HPS4: variants seen among roughly 807,000 people sequenced by gnomAD.
HPS4 encodes the protein HPS4 biogenesis of lysosomal organelles complex 3 subunit 2.
HPS4 carries 44 observed loss-of-function variants against 70.3 expected under a neutral mutation model. That is an observed-to-expected ratio of 0.63 (90% CI 0.49 to 0.80). The LOEUF is 0.80. HPS4 is among the 30% of genes least tolerant of loss of function. The probability of loss-of-function intolerance (pLI) is 0.00; values close to 1 mark genes in which losing one functional copy is unlikely to be tolerated. For missense variants in HPS4, 873 were observed against 884.4 expected (o/e 0.99, Z 0.16); for synonymous variants, 377 against 355.9 (o/e 1.06, Z -0.67).
At chr22:26,471,008 C>T in intron 6 of HPS4, 195 bp from the exon 7 acceptor site, 3 of 1,114,796 alleles carry the variant, frequency 2.7e-6, no homozygotes, top group Non-Finnish European at 3.9e-6. Context: ...CTGCTGACAC[C>T]ACTAAATGCC....
At chr22:26,457,143 G>A (rs1375822881) in intron 13 of HPS4, among the ~76,000 whole-genome samples, 2 of 151,212 alleles carry the variant, frequency 1.3e-5, no homozygotes, top group African/African-American at 4.9e-5. Flanking sequence ...ATGGAGATGA[G>A]AGAGGAAAAT....
chr22:26,476,855 A>C (rs2090615716), intron 4 of HPS4, 138 bp downstream of exon 4: 2 of 880,944 alleles, frequency 2.3e-6, no homozygotes, highest in Non-Finnish European at 1.8e-6. Context: ...TACCACAGGA[A>C]GCGAGGGTGA....
At chr22:26,473,988 C>A (rs1319239807) in intron 4 of HPS4, among the ~76,000 whole-genome samples, 3 of 152,244 alleles carry the variant, frequency 2.0e-5, no homozygotes, top group Admixed American at 2.0e-4. Context: ...TTACAACAGT[C>A]TGGCATGTAA....
At chr22:26,477,270 G>A in intron 3 of HPS4, 134 bp from the exon 4 acceptor site, 1 of 871,346 alleles carries the variant, frequency 1.1e-6, no homozygotes, top group East Asian at 2.5e-5. Flanking sequence ...AGCTAAGAAT[G>A]GTTCTTATAC....
chr22:26,472,725 A>G, intron 5 of HPS4, 107 bp downstream of exon 5: 2 of 907,418 alleles, frequency 2.2e-6, no homozygotes, highest in South Asian at 2.6e-5. Flanking sequence ...CCCAGACACA[A>G]TGTGTTTATA....
Position 26,464,422 on chromosome 22 carries a change from T to C in HPS4, c.1208A>G (p.Lys403Arg). Residue 403 changes from lysine (K) to arginine (R), a missense_variant, in exon 11 of 14, where the codon AAG (lysine) becomes AGG (arginine). Lys to Arg is a conservative substitution (Grantham distance 26). Coordinates refer to ENST00000398145, the MANE Select transcript of HPS4 (RefSeq NM_022081.6). The part of the protein sequence containing the change: ...PVPDGRAPYC[K>R]ASLSASSSLE... The stretch of plus-strand genomic sequence containing the variant: ...GCTGCTGGAGGCGCTGAGAGATGCC[T>C]TGCAGTAAGGAGCCCTGCCATCTGG... 6.2e-7 allele frequency: 1 copy of C among 1,614,066 alleles called. No homozygotes were observed. Among genetic ancestry groups the C allele is most frequent in the East Asian group, 2.2e-5 (1 of 44,888 alleles).
At chr22:26,461,320 T>C (rs2087222234) in intron 11 of HPS4, among the ~76,000 whole-genome samples, 1 of 152,214 alleles carries the variant, frequency 6.6e-6, no homozygotes, top group Non-Finnish European at 1.5e-5. Context: ...TGATAAATAA[T>C]TAATCTGATC....
At chr22:26,456,936 G>A (rs1014003456) in intron 13 of HPS4, among the ~76,000 whole-genome samples, 5 of 152,072 alleles carry the variant, frequency 3.3e-5, no homozygotes, top group Non-Finnish European at 5.9e-5. Context: ...TATTTCTTCT[G>A]GCATGGAGGT....
chr22:26,458,217 T>G (rs1195069474), intron 12 of HPS4, among the ~76,000 whole-genome samples: 2 of 152,178 alleles, frequency 1.3e-5, no homozygotes, highest in African/African-American at 4.8e-5. Flanking sequence ...CATGAACTTC[T>G]CTCAAAACAC....
chr22:26,463,790 G>T (rs140601397), intron 11 of HPS4, 127 bp downstream of exon 11: 78 of 1,002,138 alleles, frequency 7.8e-5, no homozygotes, highest in Non-Finnish European at 1.0e-4. Flanking sequence ...AGAACGTCTT[G>T]CCCAGGGTCA....
chr22:26,482,648 A>C (rs1189035911), intron 1 of HPS4: 1 of 152,218 alleles, frequency 6.6e-6, no homozygotes, highest in East Asian at 1.9e-4. Flanking sequence ...TCAAACTTCC[A>C]CAAGAGAAAG....
chr22:26,482,142 G>A lies in HPS4; in HGVS notation c.-380C>T, dbSNP rs2091343252. 1 of 269,856 alleles carries A rather than the reference G, an allele frequency of 3.7e-6. No homozygotes were observed. Among genetic ancestry groups the A allele is most frequent in the East Asian group, 9.7e-5 (1 of 10,330 alleles). 16.7% of individuals were successfully genotyped at this position (269,856 alleles called of 1,614,324 possible). A position where few individuals can be genotyped will look rare whatever the true frequency, so the allele number is the denominator to read the frequency against. Reference sequence around the variant, plus strand: ...AAGTGGGAGATGCATGCTAGAGCTGGTGTTCTAAAGAAATTTCTAGCTTGT... The same window carrying A: ...AAGTGGGAGATGCATGCTAGAGCTGATGTTCTAAAGAAATTTCTAGCTTGT... On this transcript the variant is annotated 5_prime_UTR_variant, in exon 2 of 14. Transcript: ENST00000398145.
chr22:26,475,838 T>G (rs533687921), intron 4 of HPS4: 1 of 151,962 alleles, frequency 6.6e-6, no homozygotes, highest in South Asian at 2.1e-4. Flanking sequence ...GCTGAGGAGT[T>G]CAAGACCAGC....
intron 2 of HPS4, among the ~76,000 whole-genome samples, chr22:26,480,895 AG>A (rs1309456814): frequency 6.6e-6 from 1 of 152,088 alleles, no homozygotes; most frequent in East Asian, 1.9e-4. Context: ...TCTGGCCTGG[AG>A]GATAGAGCAA....
chr22:26,478,697 T>A (rs1323776931), intron 3 of HPS4, among the ~76,000 whole-genome samples: 1 of 152,178 alleles, frequency 6.6e-6, no homozygotes, highest in African/African-American at 2.4e-5. Context: ...TTATTTATTT[T>A]TTTTGAGATG....
At chr22:26,458,258 G>T (rs774483813) in intron 12 of HPS4, among the ~76,000 whole-genome samples, 187 bp downstream of exon 12, 1 of 152,266 alleles carries the variant, frequency 6.6e-6, no homozygotes, top group Non-Finnish European at 1.5e-5. Context: ...CACATGAGCA[G>T]AGAAGCGTCT....
Position 26,464,052 on chromosome 22 carries a change from G to A in HPS4, c.1578C>T (p.Ser526=), listed in dbSNP as rs2087910894. The A allele has an allele frequency of 2.5e-6, 4 of 1,614,268 alleles. No individual in the cohort carries two copies. Among genetic ancestry groups the A allele is most frequent in the Non-Finnish European group, 2.5e-6 (3 of 1,180,042 alleles). ...QGAGPSADGI[S]SRLTPAESCM... ...AGGACTCTGCTGGTGTCAGCCTGGAGCTGATTCCATCTGCAGAGGGGCCAG... is the reference window on the plus strand; with the variant it reads ...AGGACTCTGCTGGTGTCAGCCTGGAACTGATTCCATCTGCAGAGGGGCCAG... Residue 526 remains serine (S), a synonymous_variant, in exon 11 of 14, where the codon AGC becomes AGT. Transcript: ENST00000398145.
chr22:26,453,703 CT>C, intron 13 of HPS4: 3 of 432,286 alleles, frequency 6.9e-6, no homozygotes, highest in Non-Finnish European at 8.6e-6. Flanking sequence ...GGAGTGCTGG[CT>C]TTTTTGACAT....
chr22:26,466,227 A>C lies in HPS4; in HGVS notation c.705T>G (p.His235Gln). Residue 235 changes from histidine (H) to glutamine (Q), a missense_variant and splice_region_variant, in exon 9 of 14, where the codon CAT becomes CAG. Transcript: ENST00000398145. ...LPTGEDAPQE[H>Q]GAALPPNVQI... ...GCAACCATGCGCCTCACTACTTACC[A>C]TGTTCCTGCGGGGCATCCTCTCCCG... 6.2e-7 allele frequency: 1 copy of C among 1,614,212 alleles called. No individual in the cohort carries two copies. Among genetic ancestry groups the C allele is most frequent in the Non-Finnish European group, 8.5e-7 (1 of 1,180,022 alleles).
Sources: gnomAD v4.1 joint callset for allele counts (sites outside exome capture counted in the v4.1 genomes callset) on GRCh38, gnomAD v4.1.1 for gene constraint, MANE v1.5 for transcripts, NCBI Gene and HGNC (gene_info 2026-07-23, HGNC 2026-07-21) for gene names.